Variants in RMDN2 observed in about 807,000 individuals in gnomAD.
RMDN2 encodes regulator of microtubule dynamics protein 2.
Under a neutral mutation model 52.8 loss-of-function variants are expected in RMDN2, and 61 were observed. That is an observed-to-expected ratio of 1.16 (90% confidence interval 0.94 to 1.43). The LOEUF is 1.43. Among genes scored for constraint, RMDN2 ranks in the 40% most tolerant of loss-of-function variants. RMDN2 has a pLI of 0.00. For missense variants in RMDN2, 592 were observed against 475.3 expected, an observed-to-expected ratio of 1.25 and a Z score of -2.28; for synonymous variants, 180 against 153.1, an observed-to-expected ratio of 1.18 and a Z score of -1.30.
intron 10 of RMDN2, among the ~76,000 whole-genome samples, chr2:38,025,364 C>T (rs1431197836): frequency 6.6e-6 from 1 of 152,028 alleles, no homozygotes; most frequent in African/African-American, 2.4e-5. Flanking sequence ...TCACTTATTT[C>T]TGGTAGCGTT....
intron 10 of RMDN2, among the ~76,000 whole-genome samples, chr2:38,014,819 C>G (rs1434390736): frequency 6.6e-6 from 1 of 152,248 alleles, no homozygotes; most frequent in South Asian, 2.1e-4. Flanking sequence ...AAACAGATAC[C>G]TCTGCCATCA....
chr2:38,000,871 T>C (rs1260578237), intron 8 of RMDN2, among the ~76,000 whole-genome samples: 1 of 152,232 alleles, frequency 6.6e-6, no homozygotes, highest in Non-Finnish European at 1.5e-5. Context: ...GTGGAATTGT[T>C]GTGTCATATG....
chr2:37,997,584 T>A (rs1251485984), intron 8 of RMDN2, 70 bp downstream of exon 8: 2 of 1,010,932 alleles, frequency 2.0e-6, no homozygotes, highest in Non-Finnish European at 1.6e-6. Flanking sequence ...GCTGCCGTTG[T>A]CAAGGAAATC....
chr2:37,941,018 TC>T (rs1667739216), intron 2 of RMDN2, among the ~76,000 whole-genome samples: 1 of 152,254 alleles, frequency 6.6e-6, no homozygotes, highest in South Asian at 2.1e-4. Context: ...TTTTTCCTCA[TC>T]TTCGTGTATT....
rs182286620 is a variant in RMDN2, at chr2:37,991,363, A to G, written c.945+66A>G. On this transcript the variant is annotated intron_variant, in intron 7 of 10. Transcript: ENST00000354545. Reference sequence around the variant, plus strand: ...ACTATGATTATAGGATAAATTTTCAATGACTTATTGTTTTATTTTTACCCA... The same window carrying G: ...ACTATGATTATAGGATAAATTTTCAGTGACTTATTGTTTTATTTTTACCCA... 2.4e-3 allele frequency: 1,897 copies of G among 793,666 alleles called. 6 individuals carry two copies. The highest frequency in any genetic ancestry group is 2.4e-3 in the Non-Finnish European group (1,303 of 534,368). 49.2% of individuals were successfully genotyped at this position (793,666 alleles called of 1,614,324 possible). A position where few individuals can be genotyped will look rare whatever the true frequency, so the allele number is the denominator to read the frequency against.
intron 2 of RMDN2, among the ~76,000 whole-genome samples, chr2:37,964,105 G>A (rs1455110480): frequency 6.6e-6 from 1 of 151,750 alleles, no homozygotes; most frequent in Non-Finnish European, 1.5e-5. Flanking sequence ...AGACGGGGCG[G>A]CTGCCAGATG....
chr2:37,950,519 A>G (rs1375933430), intron 2 of RMDN2: 4 of 1,612,782 alleles, frequency 2.5e-6, no homozygotes, highest in South Asian at 1.1e-5. Context: ...AGGGCATTTT[A>G]TGGCTTAAGG....
intron 10 of RMDN2, among the ~76,000 whole-genome samples, chr2:38,010,464 T>A (rs1317403648): frequency 6.6e-6 from 1 of 152,180 alleles, no homozygotes; most frequent in East Asian, 1.9e-4. Context: ...CTCAGACTGC[T>A]GTGCTAGCAA....
rs945326286 is a variant in RMDN2, at chr2:37,925,289, C to G, written c.-153C>G. 2 of 152,346 alleles carry G rather than the reference C, an allele frequency of 1.3e-5. No individual in the cohort carries two copies. Among genetic ancestry groups the G allele is most frequent in the Admixed American group, 6.5e-5 (1 of 15,286 alleles). The allele number at this position is 152,346 out of a possible 1,614,324, so 9.4% of individuals were successfully genotyped here. ...GCTCCTCCCCCGGCGCCTCCGCTAT[C>G]TGGGTCAGGACGCGACGGCCGCGGC... On this transcript the variant is annotated 5_prime_UTR_variant, in exon 1 of 11. It adds an upstream start codon to the 5' untranslated region. Coordinates refer to ENST00000354545, the MANE Select transcript of RMDN2 (RefSeq NM_001170791.3).
At chr2:38,046,993 A>G (rs953995978) in intron 10 of RMDN2, among the ~76,000 whole-genome samples, 2 of 152,186 alleles carry the variant, frequency 1.3e-5, no homozygotes, top group African/African-American at 4.8e-5. Flanking sequence ...GAAAAAAAAC[A>G]AAAAAGAGCC....
chr2:38,044,460 A>G (rs1242420540), intron 10 of RMDN2, among the ~76,000 whole-genome samples: 6 of 152,000 alleles, frequency 3.9e-5, no homozygotes, highest in Admixed American at 2.0e-4. Flanking sequence ...TACTTCAAAT[A>G]TATCTTCTGC....
At chr2:38,022,209 C>G (rs17021862), downstream of RMDN2, among the ~76,000 whole-genome samples, 9,452 of 152,174 alleles carry the variant, frequency 0.062, 944 homozygotes, top group African/African-American at 0.21. Context: ...AATGAGGCCA[C>G]GTAAAAATGG....
chr2:37,966,567 C>T (rs1027044280), intron 2 of RMDN2, among the ~76,000 whole-genome samples: 1 of 152,124 alleles, frequency 6.6e-6, no homozygotes, highest in African/African-American at 2.4e-5. Context: ...CTTCATGAGG[C>T]CCCGTAGGTC....
At chr2:38,055,453 T>C (rs1681823752) in intron 10 of RMDN2, among the ~76,000 whole-genome samples, 1 of 152,118 alleles carries the variant, frequency 6.6e-6, no homozygotes, top group Non-Finnish European at 1.5e-5. Context: ...AAATCCTTAC[T>C]CAACTGTGTC....
chr2:37,962,475 G>A (rs1052260682), intron 2 of RMDN2, among the ~76,000 whole-genome samples: 2 of 152,182 alleles, frequency 1.3e-5, no homozygotes, highest in Non-Finnish European at 2.9e-5. Context: ...AACTTCTGGT[G>A]GCTTTGTTTA....
At chr2:37,955,252 G>A (rs1669304251) in intron 2 of RMDN2, among the ~76,000 whole-genome samples, 1 of 152,088 alleles carries the variant, frequency 6.6e-6, no homozygotes, top group African/African-American at 2.4e-5. Context: ...GTGATAAAGA[G>A]CACCCTTGTC....
In RMDN2 at chr2:37,951,894, CAACAA is replaced by C. The variant is rs539510009; in HGVS notation, c.453-22143_453-22139del. ...TGCAAGTGATATTTCCTCTCCCGAT[CAACAA>C]AATGGAATTGCCAATGATATTCAAC... is the stretch of plus-strand genomic sequence containing the variant. On this transcript the variant is annotated intron_variant, in intron 2 of 10. Transcript: ENST00000354545. 774 of 1,613,328 alleles carry C rather than the reference CAACAA, an allele frequency of 4.8e-4. 3 individuals are homozygous for C. The African/African-American group carries it at 9.5e-3, about 20-fold the overall frequency.
At chr2:37,968,572 A>G (rs1300997851) in intron 2 of RMDN2, among the ~76,000 whole-genome samples, 1 of 152,168 alleles carries the variant, frequency 6.6e-6, no homozygotes, top group East Asian at 1.9e-4. Flanking sequence ...TTCACAGTAA[A>G]TAATGTCTTT....
At chr2:37,961,364 T>C (rs1322509721) in intron 2 of RMDN2, among the ~76,000 whole-genome samples, 9 of 152,136 alleles carry the variant, frequency 5.9e-5, no homozygotes, top group Non-Finnish European at 1.2e-4. Flanking sequence ...TAGTCCCATA[T>C]TTCTTGGAAG....
Sources: allele counts gnomAD v4.1 joint callset (sites outside exome capture counted in the v4.1 genomes callset), GRCh38; gene constraint gnomAD v4.1.1; transcripts MANE v1.5; gene names NCBI Gene and HGNC (gene_info 2026-07-23, HGNC 2026-07-21).